Variants in ITGAM observed in about 807,000 individuals in gnomAD.
The protein encoded by ITGAM is integrin subunit alpha M.
ITGAM carries 79 observed loss-of-function variants against 137.5 expected under a neutral mutation model. The observed-to-expected ratio is 0.57, with a 90% CI of 0.48 to 0.69. The LOEUF is 0.69. Among genes scored for constraint, ITGAM ranks in the 30% least tolerant of loss-of-function variants. The probability of loss-of-function intolerance (pLI) is 0.00; values close to 1 mark genes in which losing one functional copy is unlikely to be tolerated. For missense variants in ITGAM, 1,343 were observed against 1,483.5 expected (o/e 0.91, Z 1.56); for synonymous variants, 583 against 592.3 (o/e 0.98, Z 0.23).
At chr16:31,283,630 T>C (rs1439793519) in intron 12 of ITGAM, among the ~76,000 whole-genome samples, 1 of 152,244 alleles carries the variant, frequency 6.6e-6, no homozygotes, top group Non-Finnish European at 1.5e-5. Flanking sequence ...CTAATCTTTT[T>C]ACAAGGTTTT....
Position 31,329,271 on chromosome 16 carries a change from A to G in ITGAM, c.2836A>G (p.Asn946Asp). Residue 946 changes from asparagine (N) to aspartate (D), a missense_variant, in exon 24 of 30, where the codon AAT (asparagine) becomes GAT (aspartate). Coordinates refer to ENST00000544665, the MANE Select transcript of ITGAM (RefSeq NM_000632.4). The part of the protein sequence containing the change: ...TKYLNFTASE[N>D]TSRVMQHQYQ... The stretch of plus-strand genomic sequence containing the variant: ...ATATCTCAACTTCACGGCCTCAGAG[A>G]ATACCAGTCGGGTCATGCAGCATCA... 9 of 1,613,356 alleles carry G rather than the reference A, an allele frequency of 5.6e-6. No homozygotes were observed. The highest frequency in any genetic ancestry group is 7.6e-6 in the Non-Finnish European group (9 of 1,179,502).
chr16:31,266,180 C>A (rs367792222), intron 5 of ITGAM, 33 bp downstream of exon 5: 1 of 1,445,986 alleles, frequency 6.9e-7, no homozygotes, highest in African/African-American at 1.4e-5. Context: ...AACAGATGCG[C>A]AGCAAAAGAC....
Position 31,310,416 on chromosome 16 carries a change from A to C in ITGAM, c.1708-10825A>C, listed in dbSNP as rs2080314082. Among the ~76,000 whole-genome samples, 3 of 151,704 alleles carry C rather than the reference A, an allele frequency of 2.0e-5. No individual in the cohort carries two copies. The South Asian group carries it at 6.3e-4, about 32-fold the overall frequency. ...TTTCTTTTTATTCTTTTTTCTCTAA[A>C]CTTCTCTTCACGCTTCATTTCATTC... On this transcript the variant is annotated intron_variant, in intron 14 of 29. Transcript: ENST00000544665.
intron 14 of ITGAM, among the ~76,000 whole-genome samples, chr16:31,316,785 C>T (rs1202193678): frequency 1.3e-5 from 2 of 152,032 alleles, no homozygotes; most frequent in Non-Finnish European, 2.9e-5. Context: ...TTTCTTTCGT[C>T]AATGTTTTAT....
In ITGAM at chr16:31,330,341, T is replaced by C. The variant is rs766743329; in HGVS notation, c.3094T>C (p.Cys1032Arg). The C allele has an allele frequency of 4.3e-6, 7 of 1,613,872 alleles. No homozygotes were observed. The highest frequency in any genetic ancestry group is 1.6e-4 in the Middle Eastern group (1 of 6,084). The change falls in exon 27 of 30, where the codon TGT becomes CGT. Residue 1032 changes from cysteine (C) to arginine (R), a missense_variant. Physicochemically the swap from Cys to Arg is radical, Grantham distance 180. Coordinates refer to ENST00000544665, the MANE Select transcript of ITGAM (RefSeq NM_000632.4). ...CSIAVCQRIQ[C>R]DIPFFGIQEE... ...CATCGCTGTCTGCCAGAGAATCCAG[T>C]GTGACATCCCGTTCTTTGGCATCCA...
At chr16:31,278,162 T>A in intron 12 of ITGAM, 53 bp downstream of exon 12, 4 of 1,538,724 alleles carry the variant, frequency 2.6e-6, no homozygotes, top group Non-Finnish European at 3.5e-6. Context: ...CCTGGGGTCT[T>A]AGAGATTCCA....
chr16:31,322,143 T>C (rs923398057), intron 16 of ITGAM, among the ~76,000 whole-genome samples: 3 of 152,112 alleles, frequency 2.0e-5, no homozygotes, highest in Non-Finnish European at 4.4e-5. Context: ...TAGAAAGAAT[T>C]GTACCCTCTT....
chr16:31,273,687 A>G, intron 8 of ITGAM, 169 bp downstream of exon 8: 1 of 617,156 alleles, frequency 1.6e-6, no homozygotes, highest in South Asian at 2.4e-5. Context: ...GTAATAAACT[A>G]TCCCAAAATT....
chr16:31,266,736 A>G (rs2079772801), intron 5 of ITGAM, among the ~76,000 whole-genome samples: 2 of 152,080 alleles, frequency 1.3e-5, no homozygotes, highest in South Asian at 4.1e-4. Flanking sequence ...GTCACACTGC[A>G]GAGGAGGGGA....
chr16:31,302,439 C>CT (rs1292654105), intron 14 of ITGAM, among the ~76,000 whole-genome samples: 1 of 92,324 alleles, frequency 1.1e-5, no homozygotes, highest in Non-Finnish European at 2.0e-5. Flanking sequence ...TTCTTTCTTT[C>CT]TTTCTTTCTT....
rs539963044 is a variant in ITGAM, at chr16:31,308,467, T to A, written c.1707+10513T>A. Among the ~76,000 whole-genome samples the A allele has an allele frequency of 1.2e-4, 18 of 152,300 alleles. No individual in the cohort carries two copies. The South Asian group carries it at 3.7e-3, about 32-fold the overall frequency. On this transcript the variant is annotated intron_variant, in intron 14 of 29. Transcript: ENST00000544665. ...TGTTTGTAGTATCCTCTGATGGTAG[T>A]TTGTATTTCTGTGAGATAGGTGGTG...
At chr16:31,322,177 C>T (rs2080457649) in intron 16 of ITGAM, among the ~76,000 whole-genome samples, 1 of 152,074 alleles carries the variant, frequency 6.6e-6, no homozygotes, top group African/African-American at 2.4e-5. Context: ...ATTAGCTAGG[C>T]ATGATGGCAT....
At chr16:31,319,669 G>T (rs1182903282) in intron 14 of ITGAM, among the ~76,000 whole-genome samples, 1 of 152,154 alleles carries the variant, frequency 6.6e-6, no homozygotes, top group Non-Finnish European at 1.5e-5. Context: ...ATTATTGATA[G>T]AGAAGGATTT....
At chr16:31,288,937 G>A (rs1401401891) in intron 12 of ITGAM, among the ~76,000 whole-genome samples, 1 of 152,176 alleles carries the variant, frequency 6.6e-6, no homozygotes, top group African/African-American at 2.4e-5. Context: ...ATCAACAAGT[G>A]GGTGAAGGAT....
chr16:31,320,364 C>T (rs952197650), intron 14 of ITGAM, among the ~76,000 whole-genome samples: 3 of 152,114 alleles, frequency 2.0e-5, no homozygotes, highest in African/African-American at 4.8e-5. Context: ...AACTTTTATA[C>T]CATAATTAAA....
intron 14 of ITGAM, among the ~76,000 whole-genome samples, chr16:31,302,971 TCTTTCTTTCTTTCTTTCTTTCTTTC>T (rs1485291660): frequency 7.6e-6 from 1 of 131,338 alleles, no homozygotes; most frequent in Non-Finnish European, 1.7e-5. Flanking sequence ...TTTCTTTCTT[TCTTTCTTTCTTTCTTTCTTTCTTTC>T]TTTTTCTTTC....
intron 12 of ITGAM, among the ~76,000 whole-genome samples, chr16:31,283,070 G>A (rs2079987816): frequency 2.0e-5 from 3 of 152,208 alleles, no homozygotes; most frequent in Admixed American, 2.0e-4. Context: ...GGCTTGTAGG[G>A]TTTCTGCTGA....
At chr16:31,302,926 TTCTTTCTTTCTTTC>T (rs1262363869) in intron 14 of ITGAM, among the ~76,000 whole-genome samples, 3 of 13,022 alleles carry the variant, frequency 2.3e-4, no homozygotes, top group Non-Finnish European at 3.5e-4. Flanking sequence ...CCCTCTTTCT[TTCTTTCTTTCTTTC>T]TTTCTTTCTT....
chr16:31,265,895 G>T lies in ITGAM; in HGVS notation c.309+14G>T, dbSNP rs767251607. 28 of 1,612,714 alleles carry T rather than the reference G, an allele frequency of 1.7e-5. No homozygotes were observed. Among genetic ancestry groups the T allele is most frequent in the Non-Finnish European group, 2.3e-5 (27 of 1,179,586 alleles). Reference sequence around the variant, plus strand: ...CCTCAGCTGCTGGTGAGTGGGGCTCGATCAGAGGAGCATCCTAATGGGGGT... The same window carrying T: ...CCTCAGCTGCTGGTGAGTGGGGCTCTATCAGAGGAGCATCCTAATGGGGGT... On this transcript the variant is annotated intron_variant, in intron 4 of 29. Transcript: ENST00000544665.
Sources: gnomAD v4.1 joint callset for allele counts (sites outside exome capture counted in the v4.1 genomes callset) on GRCh38, gnomAD v4.1.1 for gene constraint, MANE v1.5 for transcripts, NCBI Gene and HGNC (gene_info 2026-07-23, HGNC 2026-07-21) for gene names.